PPIF: variants seen among roughly 807,000 people sequenced by gnomAD.
PPIF encodes the protein peptidylprolyl isomerase F.
A neutral mutation model predicts 20.2 loss-of-function variants in PPIF; 23 were observed. The ratio of observed to expected loss-of-function variants is 1.14; its 90% CI spans 0.82 to 1.61. The LOEUF (loss-of-function observed/expected upper bound fraction) is 1.61, where lower values mean the gene tolerates loss of function less well. Ranked by LOEUF, PPIF falls within the 40% of genes most tolerant of loss-of-function variation. The pLI, the probability that PPIF is intolerant of heterozygous loss-of-function variation, is 0.00. For missense variants in PPIF, 287 were observed against 291.6 expected, an observed-to-expected ratio of 0.98 and a Z score of 0.11; for synonymous variants, 113 against 123.1, an observed-to-expected ratio of 0.92 and a Z score of 0.54.
rs2233715 is a variant in PPIF, at chr10:79,347,701, C to A, written c.153C>A (p.Asp51Glu). 1.4e-6 allele frequency: 2 copies of A among 1,468,480 alleles called. No individual in the cohort carries two copies. Among genetic ancestry groups the A allele is most frequent in the African/African-American group, 1.5e-5 (1 of 68,654 alleles). The allele number at this position is 1,468,480 out of a possible 1,614,324, so 91.0% of individuals were successfully genotyped here. A position where few individuals can be genotyped will look rare whatever the true frequency, so the allele number is the denominator to read the frequency against. ...SSSGNPLVYL[D>E]VDANGKPLGR... ...CCGGGAACCCGCTCGTGTACCTGGA[C>A]GTGGACGCCAACGGGAAGCCGCTCG... is the stretch of plus-strand genomic sequence containing the variant. The change falls in exon 1 of 6, where the codon GAC becomes GAA. Residue 51 changes from aspartate to glutamate, a missense_variant. By Grantham distance (45) the Asp-to-Glu change is conservative (BLOSUM62 2). Coordinates refer to ENST00000225174, the MANE Select transcript of PPIF (RefSeq NM_005729.4).
At chr10:79,353,051 G>A (rs767938113) in intron 5 of PPIF, among the ~76,000 whole-genome samples, 4 of 152,242 alleles carry the variant, frequency 2.6e-5, no homozygotes, top group Non-Finnish European at 4.4e-5. Flanking sequence ...GCCCATTTCC[G>A]AGGATTTTAG....
At position 79,347,725 on chromosome 10, in the gene PPIF, C is replaced by T. The variant is rs372311898; in HGVS notation, c.177C>T (p.Leu59=). 2.1e-6 allele frequency: 3 copies of T among 1,434,190 alleles called. No homozygotes were observed. Among genetic ancestry groups the T allele is most frequent in the African/African-American group, 1.5e-5 (1 of 68,084 alleles). The allele number at this position is 1,434,190 out of a possible 1,614,324, so 88.8% of individuals were successfully genotyped here. The part of the protein sequence containing the change: ...YLDVDANGKP[L]GRVVLELKAD... ...ACGTGGACGCCAACGGGAAGCCGCT[C>T]GGCCGCGTGGTGCTGGAGGTGAGAC... Residue 59 remains leucine (L), a synonymous_variant, in exon 1 of 6, where the codon CTC becomes CTT. Coordinates refer to ENST00000225174, the MANE Select transcript of PPIF (RefSeq NM_005729.4).
chr10:79,353,886 T>G lies in PPIF; in HGVS notation c.*44T>G. 1 of 1,601,140 alleles carries G rather than the reference T, an allele frequency of 6.2e-7. No homozygotes were observed. Among genetic ancestry groups the G allele is most frequent in the South Asian group, 1.1e-5 (1 of 89,654 alleles). ...GCATGGTGGCAGCTGCAAATGTCCA[T>G]GCACCCAGGTGGCCGCGTTGGGCTG... On this transcript the variant is annotated 3_prime_UTR_variant, in exon 6 of 6. Transcript: ENST00000225174.
In PPIF at chr10:79,354,822, A is replaced by C. The variant is rs540479368; in HGVS notation, c.*980A>C. 2 of 152,492 alleles carry C rather than the reference A, an allele frequency of 1.3e-5. No homozygotes were observed. The highest frequency in any genetic ancestry group is 1.3e-4 in the Admixed American group (2 of 15,276). 9.4% of individuals were successfully genotyped at this position (152,492 alleles called of 1,614,324 possible). On this transcript the variant is annotated 3_prime_UTR_variant, in exon 6 of 6. Coordinates refer to ENST00000225174, the MANE Select transcript of PPIF (RefSeq NM_005729.4). ...TCAGGACGTTCATGTGGATGGTTTC[A>C]TGTCATCGTGCTGGCAACTTGTCCT...
At chr10:79,353,409 C>T (rs887144700) in intron 5 of PPIF, among the ~76,000 whole-genome samples, 3 of 152,236 alleles carry the variant, frequency 2.0e-5, no homozygotes, top group Non-Finnish European at 4.4e-5. Flanking sequence ...CCTGTTACCT[C>T]CCCATGCAGA....
Position 79,347,615 on chromosome 10 carries a change from C to T in PPIF, c.67C>T (p.Arg23Cys). 8 of 1,440,478 alleles carry T rather than the reference C, an allele frequency of 5.6e-6. No individual in the cohort carries two copies. Among genetic ancestry groups the T allele is most frequent in the Non-Finnish European group, 7.3e-6 (8 of 1,093,156 alleles). 89.2% of individuals were successfully genotyped at this position (1,440,478 alleles called of 1,614,324 possible). Residue 23 changes from arginine (R) to cysteine (C), a missense_variant, in exon 1 of 6, where the codon CGC becomes TGC. Physicochemically the swap from Arg to Cys is radical, Grantham distance 180 (BLOSUM62 -3). Transcript: ENST00000225174. ...CTCCGTCCCGCGCTCCGTGCCGCTG[C>T]GCCTCCCCGCGGCCCGCGCCTGCAG... ...LLSVPRSVPL[R>C]LPAARACSKG...
chr10:79,349,727 A>C lies in PPIF; in HGVS notation c.289A>C (p.Arg97=). 1.2e-6 allele frequency: 2 copies of C among 1,614,054 alleles called. No individual in the cohort carries two copies. The highest frequency in any genetic ancestry group is 1.1e-5 in the South Asian group (1 of 91,080). ...CGGCTACAAAGGCTCCACCTTCCAC[A>C]GGGTGATCCCTTCCTTCATGTGCCA... The part of the protein sequence containing the change: ...GFGYKGSTFH[R]VIPSFMCQAG... The change falls in exon 3 of 6, where the codon AGG becomes CGG. Residue 97 remains arginine, a synonymous_variant. Transcript: ENST00000225174.
In PPIF at chr10:79,347,762, C is replaced by G; in HGVS notation, c.195+19C>G. The G allele has an allele frequency of 7.7e-7, 1 of 1,300,370 alleles. No individual in the cohort carries two copies. The highest frequency in any genetic ancestry group is 2.5e-5 in the South Asian group (1 of 40,786). The allele number at this position is 1,300,370 out of a possible 1,614,324, so 80.6% of individuals were successfully genotyped here. ...GCTGGAGGTGAGACCGCTCGCAGGG[C>G]CGGCCTGGGCGCGGGACACGGGCCC... On this transcript the variant is annotated intron_variant, in intron 1 of 5. Transcript: ENST00000225174.
intron 5 of PPIF, among the ~76,000 whole-genome samples, chr10:79,353,423 A>C (rs1005008309): frequency 2.0e-5 from 3 of 152,198 alleles, no homozygotes; most frequent in African/African-American, 7.2e-5. Flanking sequence ...ATGCAGAACA[A>C]AGAATACTCC....
chr10:79,347,481 G>A lies in PPIF; in HGVS notation c.-68G>A. On this transcript the variant is annotated 5_prime_UTR_variant, in exon 1 of 6. Coordinates refer to ENST00000225174, the MANE Select transcript of PPIF (RefSeq NM_005729.4). ...GCGGCTGCGCGGGACTCGGCCTTCT[G>A]GGCGCGCGCGACGTCAGTTTGAGTT... 8.0e-7 allele frequency: 1 copy of A among 1,252,174 alleles called. No individual in the cohort carries two copies. The highest frequency in any genetic ancestry group is 1.0e-6 in the Non-Finnish European group (1 of 998,982). 77.6% of individuals were successfully genotyped at this position (1,252,174 alleles called of 1,614,324 possible).
rs1856016744 is a variant in PPIF, at chr10:79,353,990, G to T, written c.*148G>T. 3 of 917,170 alleles carry T rather than the reference G, an allele frequency of 3.3e-6. No homozygotes were observed. The Admixed American group carries it at 7.6e-5, about 23-fold the overall frequency. The allele number at this position is 917,170 out of a possible 1,614,324, so 56.8% of individuals were successfully genotyped here. A position where few individuals can be genotyped will look rare whatever the true frequency, so the allele number is the denominator to read the frequency against. On this transcript the variant is annotated 3_prime_UTR_variant, in exon 6 of 6. Coordinates refer to ENST00000225174, the MANE Select transcript of PPIF (RefSeq NM_005729.4). The stretch of plus-strand genomic sequence containing the variant: ...CTGAGGAAGGCTGCTAGGGATGTTA[G>T]ACCTCGGCCAGGACCCACCACATTG...
At chr10:79,352,249 C>T in intron 4 of PPIF, 68 bp from the exon 5 acceptor site, 1 of 1,420,784 alleles carries the variant, frequency 7.0e-7, no homozygotes, top group Non-Finnish European at 9.9e-7. Context: ...CACCGTCTGC[C>T]CTTTCAAATG....
chr10:79,349,437 A>C (rs1855949209), intron 2 of PPIF, among the ~76,000 whole-genome samples: 1 of 152,270 alleles, frequency 6.6e-6, no homozygotes, highest in Non-Finnish European at 1.5e-5. Context: ...GCTGGCCAGC[A>C]CAGCCATGAG....
rs1432249322 is a variant in PPIF at position 79,354,675 on chromosome 10, G to A, written c.*833G>A. 6.5e-6 allele frequency: 1 copy of A among 152,790 alleles called. No homozygotes were observed. Among genetic ancestry groups the A allele is most frequent in the East Asian group, 1.9e-4 (1 of 5,344 alleles). The allele number at this position is 152,790 out of a possible 1,614,324, so 9.5% of individuals were successfully genotyped here. A position where few individuals can be genotyped will look rare whatever the true frequency, so the allele number is the denominator to read the frequency against. On this transcript the variant is annotated 3_prime_UTR_variant, in exon 6 of 6. Coordinates refer to ENST00000225174, the MANE Select transcript of PPIF (RefSeq NM_005729.4). ...TAAAACATTTCTGGAACATGGATTT[G>A]TGTTCACCTTAAATGTGAAAATAAA...
chr10:79,352,719 C>A (rs1855999219), intron 5 of PPIF, among the ~76,000 whole-genome samples: 3 of 152,202 alleles, frequency 2.0e-5, no homozygotes, highest in Non-Finnish European at 2.9e-5. Context: ...TATTATGAGG[C>A]CTCAGGAGGG....
rs776456221 is a variant in PPIF, at chr10:79,351,488, C to T, written c.317C>T (p.Ala106Val). Reference protein sequence around the residue: ...HRVIPSFMCQAGDFTNHNGTG... With the variant: ...HRVIPSFMCQVGDFTNHNGTG... The stretch of plus-strand genomic sequence containing the variant: ...TCAGAAGGTGCTTTGTGCTCACAGG[C>T]GGGCGACTTCACCAACCACAATGGC... The change falls in exon 4 of 6, where the codon GCG becomes GTG. Residue 106 changes from alanine to valine, a missense_variant and splice_region_variant. By Grantham distance (64) the Ala-to-Val change is moderately conservative. Transcript: ENST00000225174. 22 of 1,613,636 alleles carry T rather than the reference C, an allele frequency of 1.4e-5. No individual in the cohort carries two copies. Among genetic ancestry groups the T allele is most frequent in the African/African-American group, 4.0e-5 (3 of 74,936 alleles).
In PPIF at chr10:79,354,793, A is replaced by G. The variant is rs1390392730; in HGVS notation, c.*951A>G. On this transcript the variant is annotated 3_prime_UTR_variant, in exon 6 of 6. Coordinates refer to ENST00000225174, the MANE Select transcript of PPIF (RefSeq NM_005729.4). Reference sequence around the variant, plus strand: ...TACTGAGCTCGCCGTGGCAGATGCCATGCTCAGGACGTTCATGTGGATGGT... The same window carrying G: ...TACTGAGCTCGCCGTGGCAGATGCCGTGCTCAGGACGTTCATGTGGATGGT... 6.6e-6 allele frequency: 1 copy of G among 152,658 alleles called. No homozygotes were observed. The highest frequency in any genetic ancestry group is 1.5e-5 in the Non-Finnish European group (1 of 68,058). The allele number at this position is 152,658 out of a possible 1,614,324, so 9.5% of individuals were successfully genotyped here.
At chr10:79,349,192 C>A in intron 2 of PPIF, 86 bp downstream of exon 2, 1 of 1,610,506 alleles carries the variant, frequency 6.2e-7, no homozygotes, top group South Asian at 1.1e-5. Flanking sequence ...TGAGAAGAGT[C>A]GGGGCTCAGA....
Position 79,354,895 on chromosome 10 carries a change from C to CCG in PPIF, c.*1054_*1055insGC, listed in dbSNP as rs1856028921. On this transcript the variant is annotated 3_prime_UTR_variant, in exon 6 of 6. Transcript: ENST00000225174. The stretch of plus-strand genomic sequence containing the variant: ...AGACAAACGACCTTAGCACCCATAG[C>CCG]CTATGCCATGAGCACTGGCTCCACC... The CCG allele has an allele frequency of 1.3e-5, 2 of 152,386 alleles. No homozygotes were observed. Among genetic ancestry groups the CCG allele is most frequent in the Non-Finnish European group, 2.9e-5 (2 of 68,092 alleles). The allele number at this position is 152,386 out of a possible 1,614,324, so 9.4% of individuals were successfully genotyped here.
Sources: allele counts gnomAD v4.1 joint callset (sites outside exome capture counted in the v4.1 genomes callset), GRCh38; gene constraint gnomAD v4.1.1; transcripts MANE v1.5; gene names NCBI Gene and HGNC (gene_info 2026-07-23, HGNC 2026-07-21).